SMOC1: variants seen among roughly 807,000 people sequenced by gnomAD.
SMOC1 encodes SPARC-related modular calcium-binding protein 1.
SMOC1 carries 22 observed loss-of-function variants against 56.3 expected under a neutral mutation model. The ratio of observed to expected loss-of-function variants is 0.39; its 90% CI spans 0.28 to 0.56. The LOEUF (loss-of-function observed/expected upper bound fraction) is 0.56, where lower values mean the gene tolerates loss of function less well. Ranked by LOEUF, SMOC1 falls within the 20% of genes least tolerant of loss-of-function variation. The pLI is 0.61. For synonymous variants in SMOC1, 193 were observed against 215.0 expected (o/e 0.90, Z 0.89); for missense variants, 509 against 565.4 (o/e 0.90, Z 1.01).
intron 1 of SMOC1, chr14:69,885,716 G>A (rs1883784142): frequency 6.9e-7 from 1 of 1,452,788 alleles, no homozygotes; most frequent in Admixed American, 1.7e-5. Flanking sequence ...GGTGGTGACA[G>A]TGTTAACTCC....
chr14:69,988,354 A>T (rs1387166644), intron 5 of SMOC1, among the ~76,000 whole-genome samples: 2 of 152,034 alleles, frequency 1.3e-5, no homozygotes, highest in African/African-American at 2.4e-5. Flanking sequence ...ATTAAAGAGA[A>T]ATACTCTCTG....
chr14:69,966,386 T>C (rs1883578404), intron 3 of SMOC1, among the ~76,000 whole-genome samples: 1 of 152,174 alleles, frequency 6.6e-6, no homozygotes, highest in African/African-American at 2.4e-5. Context: ...GTTCAAACTT[T>C]TTGGAAAATA....
At chr14:69,897,612 A>G (rs1884133651) in intron 1 of SMOC1, among the ~76,000 whole-genome samples, 1 of 152,108 alleles carries the variant, frequency 6.6e-6, no homozygotes, top group South Asian at 2.1e-4. Flanking sequence ...AGAGTTTGCA[A>G]TAAACATTTA....
Position 70,011,470 on chromosome 14 carries a change from T to C in SMOC1, c.858-15T>C. On this transcript the variant is annotated splice_polypyrimidine_tract_variant and intron_variant, in intron 8 of 11. Coordinates refer to ENST00000361956, the MANE Select transcript of SMOC1 (RefSeq NM_001034852.3). ...CCAGCCCCTCCCAACCCCCCCCATA[T>C]CTCTCTTTTCCCAGCTACGTGATGC... 1 of 962,580 alleles carries C rather than the reference T, an allele frequency of 1.0e-6. No individual in the cohort carries two copies. Among genetic ancestry groups the C allele is most frequent in the Non-Finnish European group, 1.6e-6 (1 of 629,034 alleles). The allele number at this position is 962,580 out of a possible 1,614,324, so 59.6% of individuals were successfully genotyped here.
intron 1 of SMOC1, among the ~76,000 whole-genome samples, chr14:69,913,221 C>T (rs1043221384): frequency 6.6e-6 from 1 of 152,154 alleles, no homozygotes; most frequent in Non-Finnish European, 1.5e-5. Flanking sequence ...TATCTCTTTC[C>T]GCTCTGCTAG....
chr14:69,988,289 C>CTTTTT (rs11367943), intron 5 of SMOC1, among the ~76,000 whole-genome samples: 2 of 146,468 alleles, frequency 1.4e-5, no homozygotes, highest in Non-Finnish European at 3.0e-5. Context: ...TTTGAATTGG[C>CTTTTT]TTTTTTTTTT....
chr14:70,007,047 A>C (rs1885171061), intron 7 of SMOC1, among the ~76,000 whole-genome samples: 1 of 152,232 alleles, frequency 6.6e-6, no homozygotes, highest in South Asian at 2.1e-4. Flanking sequence ...TTTTGTAATG[A>C]GATGACCTAT....
At chr14:69,926,982 C>T (rs1007659546) in intron 1 of SMOC1, among the ~76,000 whole-genome samples, 8 of 152,342 alleles carry the variant, frequency 5.3e-5, no homozygotes, top group South Asian at 4.1e-4. Context: ...TAACTGAGTA[C>T]TCAACCCGTG....
chr14:69,904,179 A>G (rs1884345636), intron 1 of SMOC1, among the ~76,000 whole-genome samples: 1 of 152,176 alleles, frequency 6.6e-6, no homozygotes, highest in South Asian at 2.1e-4. Context: ...TAAATTTTTT[A>G]TTTGCTTGAG....
chr14:70,003,691 G>T (rs1187087483), intron 7 of SMOC1, among the ~76,000 whole-genome samples: 1 of 152,338 alleles, frequency 6.6e-6, no homozygotes, highest in East Asian at 1.9e-4. Context: ...CTTGCATCCA[G>T]TGAAGTCAGG....
At chr14:69,955,915 T>A (rs1237495153) in intron 3 of SMOC1, among the ~76,000 whole-genome samples, 1 of 151,982 alleles carries the variant, frequency 6.6e-6, no homozygotes, top group East Asian at 1.9e-4. Flanking sequence ...GAGAGTGGAG[T>A]TTGTGGCCAT....
chr14:69,992,334 A>G, intron 5 of SMOC1, 83 bp from the exon 6 acceptor site: 1 of 1,389,686 alleles, frequency 7.2e-7, no homozygotes, highest in Non-Finnish European at 1.0e-6. Flanking sequence ...ACAAACCCCA[A>G]CCATTCAACA....
chr14:70,024,462 A>G (rs1395199820), intron 11 of SMOC1, among the ~76,000 whole-genome samples: 1 of 152,128 alleles, frequency 6.6e-6, no homozygotes, highest in Non-Finnish European at 1.5e-5. Context: ...AAGAATATAT[A>G]AGAGGGACCG....
intron 9 of SMOC1, among the ~76,000 whole-genome samples, chr14:70,012,163 TG>T (rs1459759507): frequency 6.6e-6 from 1 of 152,254 alleles, no homozygotes; most frequent in Admixed American, 6.5e-5. Flanking sequence ...TTAGTGCTGG[TG>T]GGAAATGGGC....
At chr14:69,880,273 C>T (rs1422652284) in intron 1 of SMOC1, among the ~76,000 whole-genome samples, 1 of 152,156 alleles carries the variant, frequency 6.6e-6, no homozygotes, top group Non-Finnish European at 1.5e-5. Context: ...AAAGCGATCA[C>T]TGCTCGTAAA....
chr14:69,990,364 A>G (rs1285161951), intron 5 of SMOC1, among the ~76,000 whole-genome samples: 1 of 152,244 alleles, frequency 6.6e-6, no homozygotes, highest in Non-Finnish European at 1.5e-5. Context: ...AAAATATTAC[A>G]TAAGCCATAT....
intron 3 of SMOC1, among the ~76,000 whole-genome samples, chr14:69,973,086 G>A (rs928331699): frequency 6.6e-6 from 1 of 152,194 alleles, no homozygotes; most frequent in Non-Finnish European, 1.5e-5. Context: ...AGCCTGCCAG[G>A]CTCCATTAAA....
intron 1 of SMOC1, chr14:69,885,204 G>T: frequency 1.7e-6 from 1 of 580,158 alleles, no homozygotes; most frequent in South Asian, 2.7e-5. Flanking sequence ...TTACTCTCTA[G>T]GAACTTTTCT....
chr14:69,952,964 T>A (rs1426923853), intron 2 of SMOC1, among the ~76,000 whole-genome samples: 1 of 152,202 alleles, frequency 6.6e-6, no homozygotes, highest in Non-Finnish European at 1.5e-5. Context: ...CTGTACGTAT[T>A]TGAATTTGTG....
Sources: allele counts gnomAD v4.1 joint callset (sites outside exome capture counted in the v4.1 genomes callset), GRCh38; gene constraint gnomAD v4.1.1; transcripts MANE v1.5; gene names NCBI Gene and HGNC (gene_info 2026-07-23, HGNC 2026-07-21).